The following CEP44 variants were observed in gnomAD, a reference collection of about 807,000 sequenced individuals.
CEP44 encodes the protein centrosomal protein 44, also known as centrosomal protein of 44 kDa.
A neutral mutation model predicts 46.7 loss-of-function variants in CEP44; 45 were observed. That is an observed-to-expected ratio of 0.96 (90% CI 0.76 to 1.24). The LOEUF (loss-of-function observed/expected upper bound fraction) is 1.24, where lower values mean the gene tolerates loss of function less well. Ranked by LOEUF, CEP44 falls within the 50% of genes most tolerant of loss-of-function variation. CEP44 has a pLI of 0.00. For missense variants in CEP44, 475 were observed against 459.7 expected, an observed-to-expected ratio of 1.03 and a Z score of -0.30; for synonymous variants, 142 against 146.0, an observed-to-expected ratio of 0.97 and a Z score of 0.20.
At position 174,312,709 on chromosome 4, in the gene CEP44, G is replaced by C. The variant is rs1318525506; in HGVS notation, c.961+1851G>C. Reference sequence around the variant, plus strand: ...ATTAGGTTGAATACCTGGTCTCATAGAGTTTATGATCTGATCTAGATTAAT... The same window carrying C: ...ATTAGGTTGAATACCTGGTCTCATACAGTTTATGATCTGATCTAGATTAAT... On this transcript the variant is annotated intron_variant, in intron 9 of 11. Transcript: ENST00000503780. The surrounding 1 kb of genome is among the most constrained non-coding windows in gnomAD (Gnocchi z 4.5). Among the ~76,000 whole-genome samples the C allele has an allele frequency of 2.0e-5, 3 of 152,176 alleles. No homozygotes were observed. The highest frequency in any genetic ancestry group is 2.9e-5 in the Non-Finnish European group (2 of 68,036).
Position 174,287,477 on chromosome 4 carries a change from A to G in CEP44, c.-148+3534A>G, listed in dbSNP as rs757044841. Among the ~76,000 whole-genome samples the G allele has an allele frequency of 1.3e-5, 2 of 152,168 alleles. No homozygotes were observed. Among genetic ancestry groups the G allele is most frequent in the Non-Finnish European group, 2.9e-5 (2 of 68,014 alleles). ...TCTGTATCTCTTCAAGCTTGAAGAA[A>G]TGGCATGTGCAAAGGTGTTGAACAG... On this transcript the variant is annotated intron_variant, in intron 1 of 11. Transcript: ENST00000503780. This position sits in a 1 kb window ranked among gnomAD's most constrained non-coding sequence, Gnocchi z 5.1.
chr4:174,327,873 G>A (rs1010106644), intron 8 of CEP44, among the ~76,000 whole-genome samples: 1 of 152,080 alleles, frequency 6.6e-6, no homozygotes, highest in Non-Finnish European at 1.5e-5. Context: ...CCACCTACAA[G>A]CTAAATCTGC....
intron 8 of CEP44, among the ~76,000 whole-genome samples, chr4:174,327,202 GAGAGAA>G (rs1742728115): frequency 6.7e-6 from 1 of 149,706 alleles, no homozygotes; most frequent in Non-Finnish European, 1.5e-5. Flanking sequence ...GAGAGAGAGA[GAGAGAA>G]AAAACAGATA....
chr4:174,313,129 A>G (rs998869690), intron 9 of CEP44, among the ~76,000 whole-genome samples: 4 of 151,918 alleles, frequency 2.6e-5, no homozygotes. Flanking sequence ...GGGGGGCTAT[A>G]TCTGCTCATT....
chr4:174,305,248 G>A (rs1269258358), intron 6 of CEP44, among the ~76,000 whole-genome samples: 1 of 152,192 alleles, frequency 6.6e-6, no homozygotes, highest in African/African-American at 2.4e-5. Context: ...AAAGTCAGGA[G>A]TTTGAGACCA....
At position 174,319,512 on chromosome 4, in the gene CEP44, G is replaced by C. The variant is rs1241248081; in HGVS notation, c.*2129G>C. The C allele has an allele frequency of 1.1e-6, 1 of 902,858 alleles. No homozygotes were observed. The highest frequency in any genetic ancestry group is 6.2e-5 in the Admixed American group (1 of 16,140). The allele number at this position is 902,858 out of a possible 1,614,324, so 55.9% of individuals were successfully genotyped here. On this transcript the variant is annotated 3_prime_UTR_variant, in exon 12 of 12. Coordinates refer to ENST00000503780, the MANE Select transcript of CEP44 (RefSeq NM_001040157.3). ...TTATGGAAGATAGAAAAAAAGTTAA[G>C]TCTCTTTCTACCCTTTCTTTTTTTC...
chr4:174,309,948 C>T lies in CEP44; in HGVS notation c.777C>T (p.Asp259=). 6.2e-7 allele frequency: 1 copy of T among 1,612,738 alleles called. No individual in the cohort carries two copies. The highest frequency in any genetic ancestry group is 1.1e-5 in the South Asian group (1 of 91,034). ...KKLTSIEKRL[D]CLEQKMKGKV... is the part of the protein sequence containing the mutation. The stretch of plus-strand genomic sequence containing the variant: ...TGACTTCGATAGAGAAAAGGTTAGA[C>T]TGTTTGGAACAAAAAATGAAAGGAA... The change falls in exon 8 of 12, where the codon GAC becomes GAT. Residue 259 remains aspartate (D), a synonymous_variant. Transcript: ENST00000503780. The surrounding 1 kb of genome is among the most constrained non-coding windows in gnomAD (Gnocchi z 5.3).
At position 174,331,481 on chromosome 4, in the gene CEP44, G is replaced by C; in HGVS notation, c.1087-1G>C. 1.9e-6 allele frequency: 3 copies of C among 1,551,138 alleles called. No homozygotes were observed. Among genetic ancestry groups the C allele is most frequent in the Non-Finnish European group, 2.6e-6 (3 of 1,146,720 alleles). ...TGTATAATTTTGTGTTTCCTTTCTAGAATTTTCCTGCATGGAGTGCTACAT... is the reference window on the plus strand; with the variant it reads ...TGTATAATTTTGTGTTTCCTTTCTACAATTTTCCTGCATGGAGTGCTACAT... On this transcript the variant is annotated splice_acceptor_variant, in intron 8 of 8. Transcript: ENST00000426172. LOFTEE classifies it high-confidence loss of function. The surrounding 1 kb of genome is among the most constrained non-coding windows in gnomAD (Gnocchi z 4.5).
Position 174,331,380 on chromosome 4 carries a change from GAAATATT to G in CEP44, c.1087-99_1087-93del. On this transcript the variant is annotated intron_variant, in intron 8 of 8. Coordinates refer to the CEP44 transcript ENST00000426172. This position sits in a 1 kb window ranked among gnomAD's most constrained non-coding sequence, Gnocchi z 4.5. ...CAGAGTACCTATTATGGAAGAGGAG[GAAATATT>G]AATAGCACTCTGACACTGCTCTAAT... The G allele has an allele frequency of 8.2e-7, 1 of 1,216,724 alleles. No homozygotes were observed. The highest frequency in any genetic ancestry group is 1.1e-6 in the Non-Finnish European group (1 of 909,000). The allele number at this position is 1,216,724 out of a possible 1,614,324, so 75.4% of individuals were successfully genotyped here.
In CEP44 at chr4:174,329,329, GAC is replaced by G. The variant is rs972894746; in HGVS notation, c.1087-2143_1087-2142del. Among the ~76,000 whole-genome samples the G allele has an allele frequency of 4.7e-5, 7 of 148,526 alleles. No individual in the cohort carries two copies. Among genetic ancestry groups the G allele is most frequent in the Non-Finnish European group, 9.1e-5 (6 of 66,208 alleles). On this transcript the variant is annotated intron_variant, in intron 8 of 8. Transcript: ENST00000426172. The surrounding 1 kb of genome is among the most constrained non-coding windows in gnomAD (Gnocchi z 4.0). ...TGGGAAAGCCCTTTGCTCAAACACAGACACACACACAGACACACACACACACA... is the reference window on the plus strand; with the variant it reads ...TGGGAAAGCCCTTTGCTCAAACACAGACACACACAGACACACACACACACA...
intron 8 of CEP44, among the ~76,000 whole-genome samples, chr4:174,327,982 T>TA (rs1731070843): frequency 6.6e-6 from 1 of 152,068 alleles, no homozygotes; most frequent in Non-Finnish European, 1.5e-5. Context: ...AAATAGTTTT[T>TA]AAAAAACACA....
rs1432226553 is a variant in CEP44 at position 174,304,247 on chromosome 4, A to G, written c.385A>G (p.Ile129Val). 2 of 1,575,442 alleles carry G rather than the reference A, an allele frequency of 1.3e-6. No homozygotes were observed. Among genetic ancestry groups the G allele is most frequent in the Non-Finnish European group, 8.5e-7 (1 of 1,169,628 alleles). Residue 129 changes from isoleucine to valine, a missense_variant and splice_region_variant, in exon 6 of 12, where the codon ATT becomes GTT. Physicochemically the swap from Ile to Val is conservative, Grantham distance 29. Transcript: ENST00000503780. ...TTTTGACTAATACCTTTTTTTTTAG[A>G]TTCCATCACAACAAAGAAAGAAAAT... Reference protein sequence around the residue: ...KHKELSSLQKIPSQQRKKISS... With the variant: ...KHKELSSLQKVPSQQRKKISS...
At chr4:174,305,004 G>A (rs943676701) in intron 6 of CEP44, among the ~76,000 whole-genome samples, 12 of 152,250 alleles carry the variant, frequency 7.9e-5, no homozygotes, top group Admixed American at 5.9e-4. Context: ...TCTTCCAGCT[G>A]GAGAAGACTC....
At chr4:174,333,325 A>G (rs1731400896) in exon 9 of CEP44, 1 of 148,922 alleles carries the variant, frequency 6.7e-6, no homozygotes, top group African/African-American at 2.5e-5. Flanking sequence ...GGATTTTCAA[A>G]TATGATGATA....
rs751387997 is a variant in CEP44, at chr4:174,299,077, A to G, written c.-45A>G. 2.0e-6 allele frequency: 3 copies of G among 1,534,476 alleles called. No homozygotes were observed. Among genetic ancestry groups the G allele is most frequent in the Non-Finnish European group, 2.7e-6 (3 of 1,115,334 alleles). ...TCATGGATTTCTATTTTCAGGTGAA[A>G]AATTAGACGATTTCAAGAATTGGAG... On this transcript the variant is annotated 5_prime_UTR_variant, in exon 3 of 12. Transcript: ENST00000503780.
At chr4:174,316,119 CT>C in intron 9 of CEP44, 46 bp from the exon 10 acceptor site, 1 of 1,588,906 alleles carries the variant, frequency 6.3e-7, no homozygotes, top group Non-Finnish European at 8.5e-7. Flanking sequence ...AGATATTTGA[CT>C]CTTCTGTGAA....
downstream of CEP44, among the ~76,000 whole-genome samples, chr4:174,322,443 A>G: frequency 6.6e-6 from 1 of 152,012 alleles, no homozygotes; most frequent in East Asian, 1.9e-4. Context: ...ACTCCCTCCA[A>G]ATAATGCCCC....
chr4:174,291,568 C>A (rs1013914755), intron 1 of CEP44, among the ~76,000 whole-genome samples: 4 of 151,992 alleles, frequency 2.6e-5, no homozygotes, highest in Non-Finnish European at 5.9e-5. Context: ...CCACAGATTT[C>A]AGTATTGCAA....
chr4:174,312,263 T>A lies in CEP44; in HGVS notation c.961+1405T>A, dbSNP rs1271977308. On this transcript the variant is annotated intron_variant, in intron 9 of 11. Transcript: ENST00000503780. The surrounding 1 kb of genome is among the most constrained non-coding windows in gnomAD (Gnocchi z 4.5). ...TTAACCTATTTAGAAAACACATGGC[T>A]AAGTTTTTTTTTTTTAATTTTTTAA... Among the ~76,000 whole-genome samples, 1 of 151,806 alleles carries A rather than the reference T, an allele frequency of 6.6e-6. No homozygotes were observed. Among genetic ancestry groups the A allele is most frequent in the Non-Finnish European group, 1.5e-5 (1 of 67,946 alleles).
Sources: allele counts gnomAD v4.1 joint callset (sites outside exome capture counted in the v4.1 genomes callset), GRCh38; gene constraint gnomAD v4.1.1; non-coding constraint Gnocchi (gnomAD v3.1); transcripts MANE v1.5; gene names NCBI Gene and HGNC (gene_info 2026-07-23, HGNC 2026-07-21).